TRPM3: variants seen among roughly 807,000 people sequenced by gnomAD.
TRPM3 encodes transient receptor potential cation channel subfamily M member 3.
A neutral mutation model predicts 181.2 loss-of-function variants in TRPM3; 77 were observed. That is an observed-to-expected ratio of 0.42 (90% CI 0.35 to 0.51). The LOEUF (loss-of-function observed/expected upper bound fraction) is 0.51, where lower values mean the gene tolerates loss of function less well. Ranked by LOEUF, TRPM3 falls within the 20% of genes least tolerant of loss-of-function variation. The pLI, the probability that TRPM3 is intolerant of heterozygous loss-of-function variation, is 0.01. For synonymous variants in TRPM3, 745 were observed against 796.4 expected, an observed-to-expected ratio of 0.94 and a Z score of 1.09; for missense variants, 1,759 against 2,196.7, an observed-to-expected ratio of 0.80 and a Z score of 3.98.
chr9:70,587,968 C>A (rs1348401808), intron 22 of TRPM3, among the ~76,000 whole-genome samples: 1 of 152,190 alleles, frequency 6.6e-6, no homozygotes, highest in African/African-American at 2.4e-5. Flanking sequence ...GGTTCCTTAT[C>A]TTCTGCTTCC....
chr9:70,628,165 A>C (rs1244421557), intron 12 of TRPM3, among the ~76,000 whole-genome samples: 1 of 152,224 alleles, frequency 6.6e-6, no homozygotes, highest in Non-Finnish European at 1.5e-5. Context: ...GCTGTTATTT[A>C]AAGAGTAGAA....
At chr9:70,758,334 C>T (rs903078500) in intron 8 of TRPM3, among the ~76,000 whole-genome samples, 1 of 152,082 alleles carries the variant, frequency 6.6e-6, no homozygotes, top group Non-Finnish European at 1.5e-5. Flanking sequence ...TAAGAAAGGA[C>T]ACAAACAAAT....
intron 21 of TRPM3, among the ~76,000 whole-genome samples, chr9:70,597,990 T>C (rs1291347253): frequency 6.6e-6 from 1 of 152,200 alleles, no homozygotes; most frequent in African/African-American, 2.4e-5. Context: ...CCAGCTAAAA[T>C]GTAACCTCTG....
At chr9:71,151,839 G>C (rs1382802696) in intron 1 of TRPM3, among the ~76,000 whole-genome samples, 1 of 152,056 alleles carries the variant, frequency 6.6e-6, no homozygotes, top group African/African-American at 2.4e-5. Context: ...AGGCAAGGTG[G>C]ATAACAGTGA....
At chr9:71,379,508 G>C (rs1481414767) in intron 1 of TRPM3, among the ~76,000 whole-genome samples, 1 of 151,978 alleles carries the variant, frequency 6.6e-6, no homozygotes, top group Non-Finnish European at 1.5e-5. Flanking sequence ...GTTACCGTCA[G>C]AGCAGTGGCT....
At chr9:71,106,178 A>T (rs2069501464) in intron 1 of TRPM3, among the ~76,000 whole-genome samples, 1 of 152,208 alleles carries the variant, frequency 6.6e-6, no homozygotes. Flanking sequence ...TTCAGGACAC[A>T]TCTGAAAACA....
At chr9:71,084,251 G>A (rs537224109) in intron 1 of TRPM3, among the ~76,000 whole-genome samples, 17 of 152,044 alleles carry the variant, frequency 1.1e-4, no homozygotes, top group Middle Eastern at 3.4e-3. Context: ...AATGAGCCAC[G>A]TAGTATATTT....
rs561883928 is a variant in TRPM3, at chr9:70,941,740, G to A, written c.178-77229C>T. 2.0e-5 allele frequency among the ~76,000 whole-genome samples: 3 copies of A among 152,270 alleles called. No individual in the cohort carries two copies. In the East Asian group the frequency reaches 5.8e-4, roughly 29 times the overall value. On this transcript the variant is annotated intron_variant, in intron 1 of 25. Coordinates refer to ENST00000677713, the MANE Select transcript of TRPM3 (RefSeq NM_001366145.2). Reference sequence around the variant, plus strand: ...ACTGTTGGCTTTCTATTCAGACTATGAAAGACCCAGAGGGGTTGGATTGTA... The same window carrying A: ...ACTGTTGGCTTTCTATTCAGACTATAAAAGACCCAGAGGGGTTGGATTGTA...
intron 7 of TRPM3, among the ~76,000 whole-genome samples, chr9:70,779,020 AT>A (rs910499342): frequency 6.7e-4 from 100 of 149,448 alleles, no homozygotes; most frequent in South Asian, 4.9e-3. Flanking sequence ...GCCATACAAC[AT>A]TTTTTTTTTC....
intron 1 of TRPM3, among the ~76,000 whole-genome samples, chr9:71,030,406 A>G (rs2057136117): frequency 6.6e-6 from 1 of 152,078 alleles, no homozygotes; most frequent in African/African-American, 2.4e-5. Flanking sequence ...CTCTACTGAA[A>G]ATACAAAAAT....
intron 22 of TRPM3, among the ~76,000 whole-genome samples, chr9:70,563,604 A>G (rs1588463729): frequency 1.3e-5 from 2 of 152,230 alleles, no homozygotes; most frequent in East Asian, 3.8e-4. Flanking sequence ...GAAATAAAAC[A>G]GAAGTGCAGA....
Position 70,615,994 on chromosome 9 carries a change from C to T in TRPM3, c.2440G>A (p.Ala814Thr). ...TTCTCTTGGAGGTGGATTTCCTGGG[C>T]CTGAGACATATAGGGCATGTCGTCT... is the stretch of plus-strand genomic sequence containing the variant. ...NKDDMPYMSQ[A>T]QEIHLQEKEA... Residue 814 changes from alanine (A) to threonine (T), a missense_variant, in exon 18 of 26, where the codon GCC becomes ACC. Around this residue, in one of 8 missense-constraint regions of TRPM3, gnomAD observed 114 missense variants for 134.8 expected, o/e 0.85. Transcript: ENST00000677713. The T allele has an allele frequency of 6.2e-7, 1 of 1,612,950 alleles. No homozygotes were observed. Among genetic ancestry groups the T allele is most frequent in the Non-Finnish European group, 8.5e-7 (1 of 1,179,440 alleles).
At chr9:71,170,585 A>G (rs914056836) in intron 1 of TRPM3, among the ~76,000 whole-genome samples, 11 of 152,196 alleles carry the variant, frequency 7.2e-5, no homozygotes, top group African/African-American at 2.7e-4. Flanking sequence ...AGTTCCCCAA[A>G]TTCTTTTGTA....
At chr9:71,122,509 G>A (rs1403320022), upstream of TRPM3, among the ~76,000 whole-genome samples, 1 of 152,172 alleles carries the variant, frequency 6.6e-6, no homozygotes, top group Non-Finnish European at 1.5e-5. Flanking sequence ...CATCCTTGGA[G>A]CATCGCCATC....
At chr9:71,027,666 C>T (rs191417624) in intron 1 of TRPM3, among the ~76,000 whole-genome samples, 58 of 152,164 alleles carry the variant, frequency 3.8e-4, no homozygotes, top group African/African-American at 1.3e-3. Context: ...TTTCATAATG[C>T]AATTGCAAGT....
At chr9:71,207,490 G>C (rs1270121954) in intron 1 of TRPM3, among the ~76,000 whole-genome samples, 1 of 152,102 alleles carries the variant, frequency 6.6e-6, no homozygotes, top group Non-Finnish European at 1.5e-5. Context: ...ATCTTTGATA[G>C]TGTGTCCCAT....
chr9:71,333,061 G>C (rs1163272573), intron 1 of TRPM3, among the ~76,000 whole-genome samples: 2 of 151,736 alleles, frequency 1.3e-5, no homozygotes, highest in Non-Finnish European at 1.5e-5. Context: ...TGTCTCCCCA[G>C]GGTAGAGAAG....
intron 1 of TRPM3, among the ~76,000 whole-genome samples, chr9:70,975,774 C>T (rs868686350): frequency 2.0e-5 from 3 of 152,160 alleles, no homozygotes; most frequent in Non-Finnish European, 4.4e-5. Flanking sequence ...GGAACATACT[C>T]GTTGGAACCA....
chr9:70,855,720 G>A (rs995813358), intron 3 of TRPM3, among the ~76,000 whole-genome samples: 6 of 152,084 alleles, frequency 3.9e-5, no homozygotes, highest in Non-Finnish European at 8.8e-5. Context: ...CTCTTTGTAG[G>A]TACCTTTAAA....
Sources: gnomAD v4.1 joint callset for allele counts (sites outside exome capture counted in the v4.1 genomes callset) on GRCh38, gnomAD v4.1.1 for gene constraint, gnomAD v4.1.1 regional missense constraint, MANE v1.5 for transcripts, NCBI Gene and HGNC (gene_info 2026-07-23, HGNC 2026-07-21) for gene names.